DAB1: variants seen among roughly 807,000 people sequenced by gnomAD.
The protein encoded by DAB1 is disabled homolog 1.
DAB1 carries 15 observed loss-of-function variants against 64.6 expected under a neutral mutation model. The ratio of observed to expected loss-of-function variants is 0.23; its 90% CI spans 0.16 to 0.36. The LOEUF is 0.36. Ranked by LOEUF, DAB1 falls within the 10% of genes least tolerant of loss-of-function variation. DAB1 has a pLI of 1.00. For missense variants in DAB1, 596 were observed against 706.7 expected (o/e 0.84, Z 1.78); for synonymous variants, 235 against 251.9 (o/e 0.93, Z 0.64).
At chr1:57,330,377 C>A (rs577773165) in intron 1 of DAB1, among the ~76,000 whole-genome samples, 1 of 152,294 alleles carries the variant, frequency 6.6e-6, no homozygotes, top group South Asian at 2.1e-4. Flanking sequence ...CTCCTGGAAG[C>A]CATGCAGCAG....
rs144177855 is a variant in DAB1, at chr1:57,656,182, G to T, written n.552-6517C>A. On this transcript the variant is annotated intron_variant and non_coding_transcript_variant, in intron 6 of 20. Transcript: ENST00000485760. ...TGGGCCCTCACCAGAACCCAGCCAT[G>T]GTGCCACCCTGGTCTCAGACTTCCA... Among the ~76,000 whole-genome samples, 592 of 152,310 alleles carry T rather than the reference G, an allele frequency of 3.9e-3. 3 individuals are homozygous for T. The highest frequency in any genetic ancestry group is 0.014 in the African/African-American group (567 of 41,574).
At chr1:57,836,683 A>G (rs934115323) in intron 1 of DAB1, among the ~76,000 whole-genome samples, 1 of 152,148 alleles carries the variant, frequency 6.6e-6, no homozygotes, top group Non-Finnish European at 1.5e-5. Context: ...TGTAATGTAC[A>G]CTCTATTAAA....
chr1:58,060,700 T>C (rs1648442857), intron 5 of DAB1, among the ~76,000 whole-genome samples: 4 of 152,210 alleles, frequency 2.6e-5, no homozygotes, highest in African/African-American at 7.2e-5. Context: ...CCTCGAGTGT[T>C]GTAAGTGAGT....
At chr1:57,172,301 G>C (rs1661850743) in intron 2 of DAB1, among the ~76,000 whole-genome samples, 3 of 152,074 alleles carry the variant, frequency 2.0e-5, no homozygotes, top group African/African-American at 7.2e-5. Context: ...AGGACTGGGG[G>C]GTAGCACAAT....
chr1:57,256,394 T>A (rs1669762558), intron 2 of DAB1, among the ~76,000 whole-genome samples: 1 of 152,236 alleles, frequency 6.6e-6, no homozygotes. Context: ...TTTAAAGATC[T>A]GGCAAAGGAC....
At chr1:58,494,973 T>A (rs1233298336) in intron 3 of DAB1, among the ~76,000 whole-genome samples, 1 of 152,214 alleles carries the variant, frequency 6.6e-6, no homozygotes, top group East Asian at 1.9e-4. Context: ...TGCACACGTA[T>A]GTTTATTGCA....
intron 3 of DAB1, among the ~76,000 whole-genome samples, chr1:58,465,852 C>T (rs1363577446): frequency 6.6e-6 from 1 of 152,136 alleles, no homozygotes; most frequent in African/African-American, 2.4e-5. Context: ...CCTGCAGTAC[C>T]CATGGTCAAT....
chr1:57,023,902 T>C (rs1395548153), intron 10 of DAB1, among the ~76,000 whole-genome samples: 1 of 152,202 alleles, frequency 6.6e-6, no homozygotes, highest in Non-Finnish European at 1.5e-5. Flanking sequence ...CATAGGCATG[T>C]AGTAGGTGCT....
intron 5 of DAB1, among the ~76,000 whole-genome samples, chr1:57,890,443 TTTCTTTTCTTTTC>T (rs898604954): frequency 5.1e-5 from 7 of 135,962 alleles, no homozygotes; most frequent in African/African-American, 2.1e-4. Context: ...TTTGCTTTTC[TTTCTTTTCTTTTC>T]TTTTTTTTTT....
intron 1 of DAB1, among the ~76,000 whole-genome samples, chr1:57,304,982 C>T (rs1421414570): frequency 1.3e-5 from 2 of 152,110 alleles, no homozygotes; most frequent in East Asian, 3.9e-4. Context: ...GGTCACAGAC[C>T]CCAGAGCACA....
chr1:58,103,771 C>T (rs1651470690), intron 5 of DAB1, among the ~76,000 whole-genome samples: 1 of 152,162 alleles, frequency 6.6e-6, no homozygotes, highest in Admixed American at 6.5e-5. Flanking sequence ...TTGGGCCCTG[C>T]CTCATGCTCC....
rs1415284826 is a variant in DAB1 at position 58,377,722 on chromosome 1, G to T, written n.258-34319C>A. Among the ~76,000 whole-genome samples the T allele has an allele frequency of 9.4e-5, 13 of 138,304 alleles. No homozygotes were observed. The East Asian group carries it at 2.2e-3, about 24-fold the overall frequency. 90.7% of individuals were successfully genotyped at this position (138,304 alleles called of 152,430 possible). On this transcript the variant is annotated intron_variant and non_coding_transcript_variant, in intron 3 of 20. Transcript: ENST00000485760. The stretch of plus-strand genomic sequence containing the variant: ...TCTGTATTTCCTGAATCTGAACGTT[G>T]GCCTGCCTTGCTAGATTGGGGAAGT...
intron 3 of DAB1, among the ~76,000 whole-genome samples, chr1:58,440,852 T>C (rs577468259): frequency 1.3e-5 from 2 of 152,086 alleles, no homozygotes; most frequent in Non-Finnish European, 2.9e-5. Context: ...GTGGAAATAA[T>C]TTCTGGAGAG....
intron 3 of DAB1, among the ~76,000 whole-genome samples, chr1:58,482,055 G>T (rs1645495400): frequency 6.6e-6 from 1 of 152,180 alleles, no homozygotes; most frequent in African/African-American, 2.4e-5. Context: ...TGCAAAGGAA[G>T]GAAAAGTAAT....
intron 7 of DAB1, among the ~76,000 whole-genome samples, chr1:57,544,824 G>A (rs924484550): frequency 5.3e-5 from 8 of 152,216 alleles, no homozygotes; most frequent in African/African-American, 1.7e-4. Context: ...GCCATCATGT[G>A]AAGAAGGATG....
At chr1:58,127,871 T>C (rs1653236382) in intron 5 of DAB1, among the ~76,000 whole-genome samples, 2 of 152,184 alleles carry the variant, frequency 1.3e-5, no homozygotes, top group African/African-American at 4.8e-5. Context: ...AGCCTTGTAG[T>C]ATAGTTTGAA....
chr1:57,643,919 C>A (rs2101646139), intron 7 of DAB1, among the ~76,000 whole-genome samples: 1 of 152,202 alleles, frequency 6.6e-6, no homozygotes, highest in South Asian at 2.1e-4. Context: ...TTAGTGTGTC[C>A]ATTTCACAAC....
At chr1:58,023,830 G>A (rs1036926770) in intron 5 of DAB1, among the ~76,000 whole-genome samples, 14 of 152,166 alleles carry the variant, frequency 9.2e-5, no homozygotes, top group African/African-American at 2.9e-4. Context: ...GGTGGTAAAC[G>A]TGGTCCTAAA....
Position 57,052,992 on chromosome 1 carries a change from C to T in DAB1, c.723+9892G>A, listed in dbSNP as rs374668800. Among the ~76,000 whole-genome samples the T allele has an allele frequency of 1.2e-3, 186 of 152,330 alleles. 2 individuals carry two copies. In the South Asian group the frequency reaches 0.037, roughly 30 times the overall value. The stretch of plus-strand genomic sequence containing the variant: ...CAACTAACACATATCATCCCTAGGT[C>T]TTCTCTTCCTCAGGGTTTTATAAAA... On this transcript the variant is annotated intron_variant, in intron 9 of 14. Coordinates refer to ENST00000371236, the MANE Select transcript of DAB1 (RefSeq NM_001365792.1).
Sources: allele counts gnomAD v4.1 joint callset (sites outside exome capture counted in the v4.1 genomes callset), GRCh38; gene constraint gnomAD v4.1.1; transcripts MANE v1.5; gene names NCBI Gene and HGNC (gene_info 2026-07-23, HGNC 2026-07-21).